The following C2orf78 variants were observed in gnomAD, a reference collection of about 807,000 sequenced individuals.
C2orf78 encodes chromosome 2 open reading frame 78.
A neutral mutation model predicts 21.4 loss-of-function variants in C2orf78; 12 were observed. The ratio of observed to expected loss-of-function variants is 0.56; its 90% CI spans 0.36 to 0.91. C2orf78 has a LOEUF of 0.91. Among genes scored for constraint, C2orf78 ranks in the 40% least tolerant of loss-of-function variants. The probability of loss-of-function intolerance (pLI) is 0.01; values close to 1 mark genes in which losing one functional copy is unlikely to be tolerated. For synonymous variants in C2orf78, 396 were observed against 413.9 expected (o/e 0.96, Z 0.52); for missense variants, 1,042 against 1,092.4 (o/e 0.95, Z 0.65).
chr2:73,808,285 G>A (rs1673000868), intron 1 of C2orf78, among the ~76,000 whole-genome samples: 1 of 150,932 alleles, frequency 6.6e-6, no homozygotes, highest in Non-Finnish European at 1.5e-5. Context: ...AAAAGCAGCA[G>A]TAAATTCATT....
At chr2:73,807,606 T>A (rs1429007551) in intron 1 of C2orf78, among the ~76,000 whole-genome samples, 2 of 50,610 alleles carry the variant, frequency 4.0e-5, no homozygotes. Flanking sequence ...GCAGTCAGCC[T>A]TGTCTTCTAC....
intron 1 of C2orf78, among the ~76,000 whole-genome samples, chr2:73,784,866 T>A (rs1049790991): frequency 1.3e-5 from 2 of 151,392 alleles, no homozygotes; most frequent in African/African-American, 2.5e-5. Context: ...TTTAGTGATG[T>A]TTTAAATAAT....
At chr2:73,786,272 G>C (rs955733032) in intron 1 of C2orf78, among the ~76,000 whole-genome samples, 7 of 151,676 alleles carry the variant, frequency 4.6e-5, no homozygotes, top group African/African-American at 1.7e-4. Flanking sequence ...CCTCCTACTT[G>C]GGAGGCTCAG....
chr2:73,809,626 A>C (rs1673031585), intron 1 of C2orf78, among the ~76,000 whole-genome samples: 1 of 151,966 alleles, frequency 6.6e-6, no homozygotes. Flanking sequence ...TCTCTACAAA[A>C]ACTTTTTAAA....
chr2:73,814,514 C>T (rs1253288638), intron 2 of C2orf78, among the ~76,000 whole-genome samples: 1 of 152,224 alleles, frequency 6.6e-6, no homozygotes, highest in Non-Finnish European at 1.5e-5. Context: ...CACTACCACG[C>T]TGTAATGTCC....
rs746428286 is a variant in C2orf78 at position 73,814,267 on chromosome 2, G to A, written c.847+41G>A. The A allele has an allele frequency of 4.0e-5, 61 of 1,515,884 alleles. No homozygotes were observed. In the Middle Eastern group the frequency reaches 5.3e-4, roughly 13 times the overall value. The allele number at this position is 1,515,884 out of a possible 1,614,324, so 93.9% of individuals were successfully genotyped here. A position where few individuals can be genotyped will look rare whatever the true frequency, so the allele number is the denominator to read the frequency against. Reference sequence around the variant, plus strand: ...AAGAAAGGAGAGGAATAATGTCAGCGTTGAAAAGGAGGGTCAAATCTGTAG... The same window carrying A: ...AAGAAAGGAGAGGAATAATGTCAGCATTGAAAAGGAGGGTCAAATCTGTAG... On this transcript the variant is annotated intron_variant, in intron 2 of 2. Transcript: ENST00000409561.
intron 1 of C2orf78, among the ~76,000 whole-genome samples, chr2:73,808,280 C>T (rs1673000680): frequency 6.6e-6 from 1 of 150,944 alleles, no homozygotes; most frequent in South Asian, 2.1e-4. Context: ...AATAAAAAAG[C>T]AGCAGTAAAT....
At chr2:73,812,017 G>T (rs1362543314) in intron 1 of C2orf78, among the ~76,000 whole-genome samples, 2 of 151,886 alleles carry the variant, frequency 1.3e-5, no homozygotes, top group Non-Finnish European at 2.9e-5. Flanking sequence ...CACATTTACT[G>T]CATTTTTCTG....
At chr2:73,813,916 A>G in exon 2 of C2orf78, 2 of 1,614,046 alleles carry the variant, frequency 1.2e-6, no homozygotes, top group Non-Finnish European at 1.7e-6. Flanking sequence ...CTCTGTATCC[A>G]TCACTATCTG....
intron 1 of C2orf78, among the ~76,000 whole-genome samples, chr2:73,810,703 A>G (rs1673067710): frequency 7.5e-6 from 1 of 133,716 alleles, no homozygotes; most frequent in South Asian, 2.1e-4. Context: ...TTTTATATAT[A>G]TATAATATAC....
At chr2:73,815,339 T>A (rs372130601) in exon 3 of C2orf78, 9 of 1,613,824 alleles carry the variant, frequency 5.6e-6, no homozygotes, top group Non-Finnish European at 7.6e-6. Context: ...TTTCAAAGCC[T>A]CTAGATGTCC....
chr2:73,814,810 C>T (rs1673160090), intron 2 of C2orf78, among the ~76,000 whole-genome samples: 1 of 152,190 alleles, frequency 6.6e-6, no homozygotes. Flanking sequence ...AAAACATCTC[C>T]TATTTTAAAA....
chr2:73,815,663 C>A, exon 3 of C2orf78: 1 of 1,613,908 alleles, frequency 6.2e-7, no homozygotes, highest in Non-Finnish European at 8.5e-7. Context: ...CCAGTGCCAT[C>A]AAGGTAAATC....
At chr2:73,786,541 A>C (rs2103969140) in intron 1 of C2orf78, among the ~76,000 whole-genome samples, 1 of 65,244 alleles carries the variant, frequency 1.5e-5, no homozygotes, top group Middle Eastern at 4.6e-3. Context: ...CACAGTTACA[A>C]GAGAAGTTAG....
At chr2:73,809,899 A>G (rs191329492) in intron 1 of C2orf78, among the ~76,000 whole-genome samples, 3 of 152,324 alleles carry the variant, frequency 2.0e-5, no homozygotes, top group African/African-American at 7.2e-5. Context: ...ATTCTAGAGT[A>G]AGGAATTTGG....
chr2:73,784,835 C>T (rs539561532), intron 1 of C2orf78, among the ~76,000 whole-genome samples: 2,047 of 151,348 alleles, frequency 0.014, 90 homozygotes, highest in African/African-American at 0.046. Context: ...TTTCAACTTT[C>T]GTATTTTAAA....
chr2:73,810,667 A>G (rs1352468987), intron 1 of C2orf78, among the ~76,000 whole-genome samples: 1 of 133,968 alleles, frequency 7.5e-6, no homozygotes, highest in Non-Finnish European at 1.5e-5. Flanking sequence ...TATAATATAT[A>G]TAATATAATA....
At position 73,807,051 on chromosome 2, in the gene C2orf78, AGTACCT is replaced by A. The variant is rs1286869936; in HGVS notation, c.98-6422_98-6417del. 2.8e-5 allele frequency among the ~76,000 whole-genome samples: 4 copies of A among 144,346 alleles called. 1 individual carries two copies. The highest frequency in any genetic ancestry group is 6.0e-5 in the Non-Finnish European group (4 of 66,786). 94.7% of individuals were successfully genotyped at this position (144,346 alleles called of 152,430 possible). ...AAAAAATTAGCCGGGCATGGTGGCG[AGTACCT>A]GTAATCCCAGCTACTCGGGAGACTA... On this transcript the variant is annotated intron_variant, in intron 1 of 2. Coordinates refer to ENST00000409561, the Ensembl canonical transcript of C2orf78.
intron 1 of C2orf78, among the ~76,000 whole-genome samples, chr2:73,809,696 G>GA (rs1229025580): frequency 6.6e-6 from 1 of 152,150 alleles, no homozygotes; most frequent in Non-Finnish European, 1.5e-5. Context: ...AGGATCAGAC[G>GA]CTGCTTGAGC....
Sources: gnomAD v4.1 joint callset for allele counts (sites outside exome capture counted in the v4.1 genomes callset) on GRCh38, gnomAD v4.1.1 for gene constraint, MANE v1.5 for transcripts, NCBI Gene and HGNC (gene_info 2026-07-23, HGNC 2026-07-21) for gene names.